TBC1D17: variants seen among roughly 807,000 people sequenced by gnomAD.
TBC1D17 encodes the protein TBC1 domain family member 17, also known as TBC1 domain family, member 17.
Under a neutral mutation model 78.8 loss-of-function variants are expected in TBC1D17, and 69 were observed. The observed-to-expected ratio is 0.88, with a 90% CI of 0.72 to 1.07. The LOEUF is 1.07. Among genes scored for constraint, TBC1D17 ranks in the 50% least tolerant of loss-of-function variants. The pLI, the probability that TBC1D17 is intolerant of heterozygous loss-of-function variation, is 0.00. For synonymous variants in TBC1D17, 456 were observed against 358.3 expected (o/e 1.27, Z -3.08); for missense variants, 957 against 861.0 (o/e 1.11, Z -1.39).
In TBC1D17 at chr19:49,881,275, G is replaced by A; in HGVS notation, c.327G>A (p.Glu109=). 1 of 1,612,770 alleles carries A rather than the reference G, an allele frequency of 6.2e-7. No homozygotes were observed. Among genetic ancestry groups the A allele is most frequent in the Non-Finnish European group, 8.5e-7 (1 of 1,179,764 alleles). Residue 109 remains glutamate (E), a synonymous_variant, in exon 5 of 17, where the codon GAG becomes GAA. Coordinates refer to ENST00000221543, the MANE Select transcript of TBC1D17 (RefSeq NM_024682.3). ...ACAGTGCCGTCTCCCTAGGTGCAGA[G>A]CCCAGCTGCCCCCAGGGCTCCTGGG... ...LCHSEPTRGA[E]PSCPQGSWAF...
Position 49,882,810 on chromosome 19 carries a change from CAG to C in TBC1D17, c.848_849del (p.Glu283GlyfsTer10). ...ACCGTGGAGCGGGGCCCTCCAGTTA[CAG>C]AGGAGGAGTGGGCACGCCACGTGGG... On this transcript the variant is annotated frameshift_variant, in exon 8 of 17. Transcript: ENST00000221543. LOFTEE classifies it high-confidence loss of function. 1.9e-6 allele frequency: 3 copies of C among 1,607,146 alleles called. No individual in the cohort carries two copies. Among genetic ancestry groups the C allele is most frequent in the Non-Finnish European group, 2.5e-6 (3 of 1,176,984 alleles).
chr19:49,888,201 G>C (rs762421630), intron 15 of TBC1D17, 30 bp from the exon 16 acceptor site: 34 of 1,558,250 alleles, frequency 2.2e-5, no homozygotes, highest in Non-Finnish European at 2.9e-5. Flanking sequence ...GTTGAGTGCC[G>C]ACTGGCGCCT....
At chr19:49,882,548 C>T in intron 7 of TBC1D17, 148 bp downstream of exon 7, 5 of 1,362,044 alleles carry the variant, frequency 3.7e-6, no homozygotes, top group Non-Finnish European at 4.9e-6. Flanking sequence ...GCGCTCATGG[C>T]TCTGCCAGAC....
intron 13 of TBC1D17, 156 bp from the exon 14 acceptor site, chr19:49,887,320 C>A (rs989171591): frequency 4.5e-6 from 3 of 674,008 alleles, no homozygotes; most frequent in Non-Finnish European, 7.8e-6. Context: ...GGGGCAGGGC[C>A]CGCGTTCAGG....
At chr19:49,882,538 G>A in intron 7 of TBC1D17, 138 bp downstream of exon 7, 2 of 1,380,124 alleles carry the variant, frequency 1.4e-6, no homozygotes, top group Non-Finnish European at 1.9e-6. Flanking sequence ...CATGAGGAAA[G>A]CGCTCATGGC....
Position 49,882,136 on chromosome 19 carries a change from G to C in TBC1D17, c.623G>C (p.Ser208Thr). Residue 208 changes from serine (S) to threonine (T), a missense_variant, in exon 6 of 17, where the codon AGC becomes ACC. Ser to Thr is a moderately conservative substitution (Grantham distance 58). Transcript: ENST00000221543. ...FHHLQLFDQD[S>T]SNVVSRFLQD... ...CACCTGCAGCTCTTTGACCAGGACA[G>C]CTCCAATGTGGTGTCAGTGAGTGTC... 6.2e-7 allele frequency: 1 copy of C among 1,614,080 alleles called. No individual in the cohort carries two copies. Among genetic ancestry groups the C allele is most frequent in the South Asian group, 1.1e-5 (1 of 91,088 alleles).
chr19:49,880,936 A>T (rs749591561), intron 4 of TBC1D17, among the ~76,000 whole-genome samples: 23 of 152,158 alleles, frequency 1.5e-4, no homozygotes, highest in Non-Finnish European at 2.8e-4. Context: ...TTGTAGCTCA[A>T]GTGTGGGATT....
At position 49,882,889 on chromosome 19, in the gene TBC1D17, G is replaced by A. The variant is rs552952128; in HGVS notation, c.924G>A (p.Ser308=). The part of the protein sequence containing the change: ...QVPELKNRIF[S]GGLSPSLRRE... The stretch of plus-strand genomic sequence containing the variant: ...CTGAGCTGAAGAACCGGATCTTCTC[G>A]GGGGTGAGTGCCAGGACAGGTGGAA... The change falls in exon 8 of 17, where the codon TCG becomes TCA. Residue 308 remains serine, a synonymous_variant. Coordinates refer to ENST00000221543, the MANE Select transcript of TBC1D17 (RefSeq NM_024682.3). 5.2e-5 allele frequency: 83 copies of A among 1,605,982 alleles called. No individual in the cohort carries two copies. Among genetic ancestry groups the A allele is most frequent in the South Asian group, 4.1e-4 (37 of 90,596 alleles).
Position 49,888,320 on chromosome 19 carries a change from G to C in TBC1D17, c.1746+3G>C, listed in dbSNP as rs1163897838. ...ACCGCCAGCTAACCGCCTGCCCCGT[G>C]AGTCCCCGTCCGCCCCGCAGCGCCC... On this transcript the variant is annotated splice_donor_region_variant and intron_variant, in intron 16 of 16. Coordinates refer to ENST00000221543, the MANE Select transcript of TBC1D17 (RefSeq NM_024682.3). The C allele has an allele frequency of 1.1e-5, 18 of 1,571,166 alleles. No homozygotes were observed.
In TBC1D17 at chr19:49,882,151, CAGTG is replaced by C. The variant is rs757915818; in HGVS notation, c.639+4_639+7del. 1.2e-6 allele frequency: 2 copies of C among 1,614,088 alleles called. No individual in the cohort carries two copies. The highest frequency in any genetic ancestry group is 1.3e-5 in the African/African-American group (1 of 75,034). On this transcript the variant is annotated splice_donor_variant and splice_donor_region_variant and coding_sequence_variant and intron_variant, in exon 6 of 17. Coordinates refer to ENST00000221543, the MANE Select transcript of TBC1D17 (RefSeq NM_024682.3). LOFTEE classifies it high-confidence loss of function. ...GACCAGGACAGCTCCAATGTGGTGT[CAGTG>C]AGTGTCCCCAGCAGGAGGCCTGGCG...
intron 13 of TBC1D17, 70 bp from the exon 14 acceptor site, chr19:49,887,406 T>G: frequency 6.7e-7 from 1 of 1,493,642 alleles, no homozygotes; most frequent in South Asian, 1.2e-5. Context: ...GGTCTTCCAG[T>G]CAGGATGACT....
chr19:49,878,165 T>C lies in TBC1D17; in HGVS notation c.44T>C (p.Val15Ala). 6.3e-7 allele frequency: 1 copy of C among 1,577,616 alleles called. No individual in the cohort carries two copies. The highest frequency in any genetic ancestry group is 8.6e-7 in the Non-Finnish European group (1 of 1,162,294). Residue 15 changes from valine to alanine, a missense_variant, in exon 2 of 17, where the codon GTG becomes GCG. Physicochemically the swap from Val to Ala is moderately conservative, Grantham distance 64 (BLOSUM62 0). Transcript: ENST00000221543. Reference sequence around the variant, plus strand: ...CAGGTGGTGTTTGAGAAGGGCGGAGTGTACCTGCACACCAGCGCTAAGAAG... The same window carrying C: ...CAGGTGGTGTTTGAGAAGGGCGGAGCGTACCTGCACACCAGCGCTAAGAAG... Reference protein sequence around the residue: ...GYRVVFEKGGVYLHTSAKKYQ... With the variant: ...GYRVVFEKGGAYLHTSAKKYQ...
chr19:49,877,712 T>TCGC lies in TBC1D17; in HGVS notation c.-10_-9insCCG. The TCGC allele has an allele frequency of 6.2e-7, 1 of 1,600,240 alleles. No individual in the cohort carries two copies. The highest frequency in any genetic ancestry group is 1.1e-5 in the South Asian group (1 of 88,290). The stretch of plus-strand genomic sequence containing the variant: ...AGGAGGAGGCGGGGCAGTGGGGCCT[T>TCGC]CGGCGGCGACTATGGAAGGAGCCGG... On this transcript the variant is annotated 5_prime_UTR_variant, in exon 1 of 17. Coordinates refer to ENST00000221543, the MANE Select transcript of TBC1D17 (RefSeq NM_024682.3).
Position 49,888,439 on chromosome 19 carries a change from G to T in TBC1D17, c.1762G>T (p.Val588Leu). 6.5e-7 allele frequency: 1 copy of T among 1,530,798 alleles called. No individual in the cohort carries two copies. Among genetic ancestry groups the T allele is most frequent in the East Asian group, 2.6e-5 (1 of 38,650 alleles). The allele number at this position is 1,530,798 out of a possible 1,614,324, so 94.8% of individuals were successfully genotyped here. Reference protein sequence around the residue: ...LTACPELPHNVQEILGLAPPA... With the variant: ...LTACPELPHNLQEILGLAPPA... The stretch of plus-strand genomic sequence containing the variant: ...GTGCCTCCAGGAGCTGCCCCACAAC[G>T]TGCAGGAGATCCTGGGGCTGGCCCC... Residue 588 changes from valine (V) to leucine (L), a missense_variant, in exon 17 of 17, where the codon GTG becomes TTG. Val to Leu is a conservative substitution (Grantham distance 32). Transcript: ENST00000221543.
intron 9 of TBC1D17, among the ~76,000 whole-genome samples, 179 bp downstream of exon 9, chr19:49,883,255 A>G (rs1005852932): frequency 5.9e-5 from 9 of 152,160 alleles, no homozygotes; most frequent in African/African-American, 1.2e-4. Flanking sequence ...GTCTGTCTCC[A>G]TTGCAGTTTT....
chr19:49,881,976 A>C, intron 5 of TBC1D17, 65 bp from the exon 6 acceptor site: 1 of 1,416,424 alleles, frequency 7.1e-7, no homozygotes, highest in Non-Finnish European at 9.9e-7. Flanking sequence ...TCGGCCGAGC[A>C]CAGACAGCCT....
In TBC1D17 at chr19:49,888,676, A is replaced by C. The variant is rs1191099513; in HGVS notation, c.*52A>C. 3.4e-6 allele frequency: 5 copies of C among 1,464,806 alleles called. No homozygotes were observed. The East Asian group carries it at 1.3e-4, about 37-fold the overall frequency. 90.7% of individuals were successfully genotyped at this position (1,464,806 alleles called of 1,614,324 possible). A position where few individuals can be genotyped will look rare whatever the true frequency, so the allele number is the denominator to read the frequency against. Reference sequence around the variant, plus strand: ...AGGCACTTTAGCCCGAGCCAGGCACACCTGCGAGGGGGCAGGTGTGCTCCG... The same window carrying C: ...AGGCACTTTAGCCCGAGCCAGGCACCCCTGCGAGGGGGCAGGTGTGCTCCG... On this transcript the variant is annotated 3_prime_UTR_variant, in exon 17 of 17. Coordinates refer to ENST00000221543, the MANE Select transcript of TBC1D17 (RefSeq NM_024682.3).
At position 49,882,347 on chromosome 19, in the gene TBC1D17, C is replaced by T; in HGVS notation, c.745C>T (p.Leu249Phe). 1.2e-6 allele frequency: 2 copies of T among 1,610,306 alleles called. No homozygotes were observed. Among genetic ancestry groups the T allele is most frequent in the Non-Finnish European group, 1.7e-6 (2 of 1,179,988 alleles). ...ACAGCCTGAGGGAGCCGCCTCCGAC[C>T]TTCCCCCGCCACCCGACGATGAGCC... ...QPQPEGAASDLPPPPDDEPEP... is the reference protein window; with the variant it reads ...QPQPEGAASDFPPPPDDEPEP... Residue 249 changes from leucine (L) to phenylalanine (F), a missense_variant, in exon 7 of 17, where the codon CTT (leucine) becomes TTT (phenylalanine). Coordinates refer to ENST00000221543, the MANE Select transcript of TBC1D17 (RefSeq NM_024682.3).
chr19:49,877,738 C>T lies in TBC1D17; in HGVS notation c.15C>T (p.Gly5=), dbSNP rs1414914280. 3.1e-6 allele frequency: 5 copies of T among 1,597,602 alleles called. No individual in the cohort carries two copies. The African/African-American group carries it at 4.0e-5, about 13-fold the overall frequency. Residue 5 remains glycine, a synonymous_variant, in exon 1 of 17, where the codon GGC becomes GGT. Coordinates refer to ENST00000221543, the MANE Select transcript of TBC1D17 (RefSeq NM_024682.3). MEGA[G]YRVVFEKGGV... The stretch of plus-strand genomic sequence containing the variant: ...CGGCGGCGACTATGGAAGGAGCCGG[C>T]TACAGGGTAAGCACTGAGGACGCAT...
Sources: gnomAD v4.1 joint callset for allele counts (sites outside exome capture counted in the v4.1 genomes callset) on GRCh38, gnomAD v4.1.1 for gene constraint, MANE v1.5 for transcripts, NCBI Gene and HGNC (gene_info 2026-07-23, HGNC 2026-07-21) for gene names.